Variants in INPP4B observed in about 807,000 individuals in gnomAD.
The protein encoded by INPP4B is inositol polyphosphate 4-phosphatase type II.
A neutral mutation model predicts 122.5 loss-of-function variants in INPP4B; 55 were observed. That is an observed-to-expected ratio of 0.45 (90% CI 0.36 to 0.56). INPP4B has a LOEUF of 0.56. Among genes scored for constraint, INPP4B ranks in the 20% least tolerant of loss-of-function variants. INPP4B has a pLI of 0.00. For missense variants in INPP4B, 1,000 were observed against 1,097.7 expected (o/e 0.91, Z 1.26); for synonymous variants, 403 against 388.7 (o/e 1.04, Z -0.43).
chr4:142,032,530 A>G (rs1250436637), intron 25 of INPP4B, among the ~76,000 whole-genome samples: 1 of 152,238 alleles, frequency 6.6e-6, no homozygotes, highest in South Asian at 2.1e-4. Flanking sequence ...GAGAACTTCA[A>G]TATTGCCAAT....
chr4:142,279,950 G>A (rs546797400), intron 9 of INPP4B, among the ~76,000 whole-genome samples: 10 of 151,964 alleles, frequency 6.6e-5, no homozygotes, highest in Middle Eastern at 3.4e-3. Context: ...CACTTGAACA[G>A]ATATGTTTCA....
intron 2 of INPP4B, among the ~76,000 whole-genome samples, chr4:142,601,563 A>G (rs1164950335): frequency 6.6e-6 from 1 of 151,380 alleles, no homozygotes; most frequent in Non-Finnish European, 1.5e-5. Context: ...ACAAGTTTAT[A>G]GCAATAAACT....
At chr4:142,222,204 C>A (rs1849659512) in intron 12 of INPP4B, among the ~76,000 whole-genome samples, 1 of 152,212 alleles carries the variant, frequency 6.6e-6, no homozygotes, top group African/African-American at 2.4e-5. Flanking sequence ...AGGTGATTCA[C>A]CTGCTTAGGC....
At chr4:142,707,100 C>G (rs1201375296) in intron 2 of INPP4B, among the ~76,000 whole-genome samples, 1 of 150,728 alleles carries the variant, frequency 6.6e-6, no homozygotes, top group Non-Finnish European at 1.5e-5. Flanking sequence ...GGATCAGCAT[C>G]TTCTTCTACT....
chr4:142,714,404 C>T (rs896175319), intron 2 of INPP4B, among the ~76,000 whole-genome samples: 2 of 152,276 alleles, frequency 1.3e-5, no homozygotes, highest in South Asian at 2.1e-4. Context: ...CTTTTAATGA[C>T]AATGGACCCT....
At chr4:142,377,844 C>T (rs1201009123) in intron 7 of INPP4B, among the ~76,000 whole-genome samples, 1 of 152,090 alleles carries the variant, frequency 6.6e-6, no homozygotes, top group African/African-American at 2.4e-5. Context: ...AACCCTGGTG[C>T]ACCAGCATAA....
At chr4:142,421,050 A>T (rs1439664720) in intron 5 of INPP4B, among the ~76,000 whole-genome samples, 1 of 152,064 alleles carries the variant, frequency 6.6e-6, no homozygotes, top group African/African-American at 2.4e-5. Context: ...ACATTGGGCT[A>T]TTTTTCTAAT....
intron 1 of INPP4B, among the ~76,000 whole-genome samples, chr4:142,744,516 C>A (rs896974750): frequency 6.6e-6 from 1 of 151,408 alleles, no homozygotes; most frequent in Non-Finnish European, 1.5e-5. Context: ...CCACTGAAAA[C>A]AAAAGATAAA....
At chr4:142,825,238 T>A (rs559324625) in intron 1 of INPP4B, among the ~76,000 whole-genome samples, 1 of 152,266 alleles carries the variant, frequency 6.6e-6, no homozygotes, top group East Asian at 1.9e-4. Context: ...ACAATTACTA[T>A]AATGTAAGTA....
chr4:142,030,142 C>T, intron 25 of INPP4B: 1 of 1,534,252 alleles, frequency 6.5e-7, no homozygotes, highest in Non-Finnish European at 8.7e-7. Flanking sequence ...TGGTATTTGG[C>T]TAAGAGTAAC....
At chr4:142,622,525 G>A (rs1354433503) in intron 2 of INPP4B, among the ~76,000 whole-genome samples, 1 of 151,922 alleles carries the variant, frequency 6.6e-6, no homozygotes, top group Non-Finnish European at 1.5e-5. Flanking sequence ...TAAATGAATA[G>A]CCTTAATGCA....
chr4:142,843,307 TA>T (rs1359151450), intron 1 of INPP4B, among the ~76,000 whole-genome samples: 1 of 151,846 alleles, frequency 6.6e-6, no homozygotes, highest in Admixed American at 6.6e-5. Context: ...CTAAATATTA[TA>T]GTATATATGA....
chr4:142,152,104 C>T (rs1270074189), intron 17 of INPP4B, among the ~76,000 whole-genome samples: 1 of 104,610 alleles, frequency 9.6e-6, no homozygotes, highest in Non-Finnish European at 1.6e-5. Flanking sequence ...GACGGAGTCT[C>T]GCTCTGTCCC....
intron 1 of INPP4B, among the ~76,000 whole-genome samples, chr4:142,811,502 T>A (rs552656926): frequency 6.6e-6 from 1 of 152,310 alleles, no homozygotes; most frequent in Non-Finnish European, 1.5e-5. Context: ...ATTTGCTATG[T>A]CATGATTCAG....
chr4:142,597,811 A>C (rs1443093282), intron 2 of INPP4B, among the ~76,000 whole-genome samples: 2 of 152,196 alleles, frequency 1.3e-5, no homozygotes, highest in Non-Finnish European at 2.9e-5. Flanking sequence ...AAATACCTCC[A>C]AGCTGGGAGC....
chr4:142,647,461 G>A (rs74871865), intron 2 of INPP4B, among the ~76,000 whole-genome samples: 3,790 of 152,286 alleles, frequency 0.025, 70 homozygotes, highest in Non-Finnish European at 0.041. Flanking sequence ...AACAAAGAGT[G>A]AAAAGGCCAT....
chr4:142,112,471 T>C, intron 22 of INPP4B, 71 bp downstream of exon 22: 1 of 1,464,246 alleles, frequency 6.8e-7, no homozygotes, highest in Non-Finnish European at 9.4e-7. Context: ...TGCAGATACA[T>C]GGGACTTCTC....
At chr4:142,161,496 T>C (rs936467811) in intron 16 of INPP4B, among the ~76,000 whole-genome samples, 10 of 151,952 alleles carry the variant, frequency 6.6e-5, no homozygotes, top group Admixed American at 5.9e-4. Context: ...CTTTAACTCA[T>C]AGCATTATAT....
intron 2 of INPP4B, among the ~76,000 whole-genome samples, chr4:142,689,743 A>C (rs1276154671): frequency 6.6e-6 from 1 of 152,188 alleles, no homozygotes; most frequent in Non-Finnish European, 1.5e-5. Flanking sequence ...AAAGCATTAA[A>C]ATATCTCACA....
Sources: gnomAD v4.1 joint callset for allele counts (sites outside exome capture counted in the v4.1 genomes callset) on GRCh38, gnomAD v4.1.1 for gene constraint, MANE v1.5 for transcripts, NCBI Gene and HGNC (gene_info 2026-07-23, HGNC 2026-07-21) for gene names.